GNG2: variants seen among roughly 807,000 people sequenced by gnomAD.
The protein encoded by GNG2 is guanine nucleotide-binding protein G(I)/G(S)/G(O) subunit gamma-2.
GNG2 carries 5 observed loss-of-function variants against 5.5 expected under a neutral mutation model. The observed-to-expected ratio is 0.91, with a 90% CI of 0.48 to 1.92. The LOEUF is 1.92. Among genes scored for constraint, GNG2 ranks in the 30% most tolerant of loss-of-function variants. The pLI, the probability that GNG2 is intolerant of heterozygous loss-of-function variation, is 0.01. For synonymous variants in GNG2, 28 were observed against 32.0 expected, an observed-to-expected ratio of 0.88 and a Z score of 0.42; for missense variants, 55 against 88.4, an observed-to-expected ratio of 0.62 and a Z score of 1.52.
intron 2 of GNG2, among the ~76,000 whole-genome samples, chr14:51,888,136 T>A (rs1884593484): frequency 6.6e-6 from 1 of 152,188 alleles, no homozygotes; most frequent in Non-Finnish European, 1.5e-5. Context: ...TCATGCTCCA[T>A]GATCATCTCT....
At chr14:51,827,748 A>G (rs1311092508) in exon 2 of GNG2, 1 of 701,656 alleles carries the variant, frequency 1.4e-6, no homozygotes, top group Non-Finnish European at 2.6e-6. Context: ...AGGGGCATGC[A>G]GGGGAAATTG....
intron 2 of GNG2, among the ~76,000 whole-genome samples, chr14:51,918,979 C>T (rs1886833506): frequency 6.6e-6 from 1 of 152,174 alleles, no homozygotes; most frequent in Non-Finnish European, 1.5e-5. Context: ...GCATGTGCCA[C>T]CACGCCAGGC....
chr14:51,842,500 G>A (rs1323068445), intron 2 of GNG2, among the ~76,000 whole-genome samples: 1 of 152,086 alleles, frequency 6.6e-6, no homozygotes, highest in Non-Finnish European at 1.5e-5. Flanking sequence ...CTCAGCAGCT[G>A]GGACACCCAC....
At chr14:51,926,668 G>A (rs1260631695) in intron 2 of GNG2, among the ~76,000 whole-genome samples, 1 of 152,178 alleles carries the variant, frequency 6.6e-6, no homozygotes, top group Non-Finnish European at 1.5e-5. Flanking sequence ...GAGGGGAGGA[G>A]CCTGGCCTCT....
At chr14:51,867,788 C>T (rs1053365364) in intron 1 of GNG2, among the ~76,000 whole-genome samples, 2 of 152,164 alleles carry the variant, frequency 1.3e-5, no homozygotes, top group Non-Finnish European at 1.5e-5. Context: ...ATGAAGCCTC[C>T]CTTGGTTTCT....
intron 2 of GNG2, among the ~76,000 whole-genome samples, chr14:51,926,393 C>T (rs999761929): frequency 1.3e-5 from 2 of 152,182 alleles, no homozygotes; most frequent in African/African-American, 2.4e-5. Flanking sequence ...AAAGTAGACT[C>T]GTGTGTAAGA....
At chr14:51,955,434 TA>T (rs1277426440) in intron 3 of GNG2, among the ~76,000 whole-genome samples, 3 of 152,200 alleles carry the variant, frequency 2.0e-5, no homozygotes. Context: ...CTTCATCAAA[TA>T]AATTTTTCCA....
intron 2 of GNG2, among the ~76,000 whole-genome samples, chr14:51,902,880 C>T (rs1885659407): frequency 1.3e-5 from 2 of 151,910 alleles, no homozygotes; most frequent in African/African-American, 4.8e-5. Context: ...AGAGGGAGAC[C>T]TCATCTCAAA....
chr14:51,962,443 G>A (rs539325438), intron 3 of GNG2, among the ~76,000 whole-genome samples: 41 of 152,246 alleles, frequency 2.7e-4, no homozygotes, highest in Middle Eastern at 3.4e-3. Flanking sequence ...TTTATAATGA[G>A]AGGAAATGTT....
In GNG2 at chr14:51,884,871, G is replaced by A. The variant is rs975441024; in HGVS notation, c.-30+7214G>A. On this transcript the variant is annotated intron_variant, in intron 2 of 3. Coordinates refer to ENST00000556766, the MANE Select transcript of GNG2 (RefSeq NM_053064.5). Reference sequence around the variant, plus strand: ...GACCACGATAGTTGGTTCAGAGGGTGGGCCTGCCATCAGCAGGGGCCAGTA... The same window carrying A: ...GACCACGATAGTTGGTTCAGAGGGTAGGCCTGCCATCAGCAGGGGCCAGTA... Among the ~76,000 whole-genome samples, 13 of 152,298 alleles carry A rather than the reference G, an allele frequency of 8.5e-5. No individual in the cohort carries two copies. In the South Asian group the frequency reaches 2.5e-3, roughly 29 times the overall value.
Position 51,880,932 on chromosome 14 carries a change from G to A in GNG2, c.-30+3275G>A, listed in dbSNP as rs369957842. On this transcript the variant is annotated intron_variant, in intron 2 of 3. Coordinates refer to ENST00000556766, the MANE Select transcript of GNG2 (RefSeq NM_053064.5). ...GGAAAATCTGTAGCCATATATGCATGTTTGTTCAGACCAGCTTAAAAAGAC... is the reference window on the plus strand; with the variant it reads ...GGAAAATCTGTAGCCATATATGCATATTTGTTCAGACCAGCTTAAAAAGAC... Among the ~76,000 whole-genome samples the A allele has an allele frequency of 2.8e-4, 34 of 119,556 alleles. 1 individual carries two copies. In the East Asian group the frequency reaches 6.1e-3, roughly 21 times the overall value. 78.4% of individuals were successfully genotyped at this position (119,556 alleles called of 152,430 possible). A position where few individuals can be genotyped will look rare whatever the true frequency, so the allele number is the denominator to read the frequency against.
intron 2 of GNG2, among the ~76,000 whole-genome samples, chr14:51,893,269 C>T (rs753603566): frequency 6.6e-6 from 1 of 152,176 alleles, no homozygotes; most frequent in Non-Finnish European, 1.5e-5. Context: ...TCCTAGTCAT[C>T]ACTGGAAATT....
At chr14:51,852,044 G>GA (rs5808635) in intron 2 of GNG2, among the ~76,000 whole-genome samples, 138,846 of 152,182 alleles carry the variant, frequency 0.91, 64,609 homozygotes, top group East Asian at 1. Context: ...AGCAGTGAGG[G>GA]TGTACGTAAA....
In GNG2 at chr14:51,862,984, C is replaced by CTTTTTTTTTTTTT. The variant is rs10699121; in HGVS notation, c.-71+2197_-71+2209dup. ...GACCAACACAGAAATTTTAATTGTG[C>CTTTTTTTTTTTTT]TTTTTTTTTTTTTTTCTGCCATATG... On this transcript the variant is annotated intron_variant, in intron 1 of 3. Transcript: ENST00000556766. 4.2e-5 allele frequency among the ~76,000 whole-genome samples: 6 copies of CTTTTTTTTTTTTT among 143,018 alleles called. 2 individuals are homozygous for CTTTTTTTTTTTTT. Among genetic ancestry groups the CTTTTTTTTTTTTT allele is most frequent in the Non-Finnish European group, 7.6e-5 (5 of 66,182 alleles). The allele number at this position is 143,018 out of a possible 152,430, so 93.8% of individuals were successfully genotyped here.
At chr14:51,866,368 G>A (rs1331689637) in intron 1 of GNG2, among the ~76,000 whole-genome samples, 1 of 152,096 alleles carries the variant, frequency 6.6e-6, no homozygotes, top group African/African-American at 2.4e-5. Flanking sequence ...CATTTTCAAT[G>A]GAAACCATTC....
chr14:51,882,604 A>G (rs568941485), intron 2 of GNG2, among the ~76,000 whole-genome samples: 29 of 152,364 alleles, frequency 1.9e-4, no homozygotes, highest in Admixed American at 8.5e-4. Context: ...TGTACTTTGC[A>G]GAGCTGGTCA....
chr14:51,830,423 G>A (rs993599680), intron 2 of GNG2, among the ~76,000 whole-genome samples: 4 of 152,138 alleles, frequency 2.6e-5, no homozygotes, highest in African/African-American at 4.8e-5. Flanking sequence ...CTGGACTCCA[G>A]TCTCAAATGC....
chr14:51,839,543 A>G (rs746884172), intron 2 of GNG2, among the ~76,000 whole-genome samples: 2 of 152,034 alleles, frequency 1.3e-5, no homozygotes, highest in African/African-American at 2.4e-5. Context: ...TGTTTGGCTT[A>G]GTGATTTTGG....
chr14:51,841,466 A>G (rs1881480130), intron 2 of GNG2: 1 of 694,594 alleles, frequency 1.4e-6, no homozygotes, highest in Admixed American at 2.1e-5. Flanking sequence ...CCTCACTGTA[A>G]TCCTCTAAGG....
Sources: allele counts gnomAD v4.1 joint callset (sites outside exome capture counted in the v4.1 genomes callset), GRCh38; gene constraint gnomAD v4.1.1; transcripts MANE v1.5; gene names NCBI Gene and HGNC (gene_info 2026-07-23, HGNC 2026-07-21).